PAFAH1B2: variants seen among roughly 807,000 people sequenced by gnomAD.
The protein encoded by PAFAH1B2 is platelet-activating factor acetylhydrolase IB subunit alpha2.
A neutral mutation model predicts 28.0 loss-of-function variants in PAFAH1B2; 8 were observed. The observed-to-expected ratio is 0.29, with a 90% CI of 0.17 to 0.52. The LOEUF is 0.52. Among genes scored for constraint, PAFAH1B2 ranks in the 20% least tolerant of loss-of-function variants. PAFAH1B2 has a pLI of 0.97. For missense variants in PAFAH1B2, 190 were observed against 282.6 expected (o/e 0.67, Z 2.35); for synonymous variants, 104 against 103.2 (o/e 1.01, Z -0.05).
At chr11:117,158,689 G>T (rs1425447697) in intron 2 of PAFAH1B2, among the ~76,000 whole-genome samples, 1 of 147,540 alleles carries the variant, frequency 6.8e-6, no homozygotes, top group African/African-American at 2.5e-5. Context: ...TTGTCGCCTA[G>T]GCTGGAGTGT....
At chr11:117,166,666 T>C (rs1956518291) in intron 5 of PAFAH1B2, among the ~76,000 whole-genome samples, 1 of 152,162 alleles carries the variant, frequency 6.6e-6, no homozygotes. Context: ...AAAACAGTTA[T>C]TCCAGGGTTA....
intron 1 of PAFAH1B2, among the ~76,000 whole-genome samples, chr11:117,148,056 CT>C (rs201878667): frequency 1.9e-3 from 251 of 129,446 alleles, no homozygotes; most frequent in Non-Finnish European, 2.3e-3. Context: ...TTTTTTTTTT[CT>C]TTTTTTTTTT....
downstream of PAFAH1B2, among the ~76,000 whole-genome samples, chr11:117,177,189 A>G (rs912838150): frequency 2.0e-5 from 3 of 152,208 alleles, no homozygotes; most frequent in Admixed American, 2.0e-4. Context: ...AACCTGGGCA[A>G]CAGAGCGAGA....
At position 117,146,401 on chromosome 11, in the gene PAFAH1B2, T is replaced by C. The variant is rs145966700; in HGVS notation, c.-8+1983T>C. On this transcript the variant is annotated intron_variant, in intron 1 of 5. Transcript: ENST00000527958. ...GGAAACCCAAAGTCACTCAGAAGTTTGCGTCTTACCACTGGGTAGCTCTTA... is the reference window on the plus strand; with the variant it reads ...GGAAACCCAAAGTCACTCAGAAGTTCGCGTCTTACCACTGGGTAGCTCTTA... 9.9e-5 allele frequency among the ~76,000 whole-genome samples: 15 copies of C among 152,224 alleles called. No individual in the cohort carries two copies. The East Asian group carries it at 2.9e-3, about 29-fold the overall frequency.
chr11:117,168,001 A>T lies in PAFAH1B2; in HGVS notation c.*302A>T. The T allele has an allele frequency of 1.9e-6, 2 of 1,080,010 alleles. No individual in the cohort carries two copies. Among genetic ancestry groups the T allele is most frequent in the Non-Finnish European group, 2.2e-6 (2 of 889,596 alleles). The allele number at this position is 1,080,010 out of a possible 1,614,324, so 66.9% of individuals were successfully genotyped here. Reference sequence around the variant, plus strand: ...ATTATCACTGTTTTCTTGGGACAACATCAAGCCTAAATACTGAACAATATG... The same window carrying T: ...ATTATCACTGTTTTCTTGGGACAACTTCAAGCCTAAATACTGAACAATATG... On this transcript the variant is annotated 3_prime_UTR_variant, in exon 6 of 6. Transcript: ENST00000527958.
intron 1 of PAFAH1B2, among the ~76,000 whole-genome samples, chr11:117,146,258 G>T (rs1186859179): frequency 1.3e-5 from 2 of 150,480 alleles, no homozygotes; most frequent in South Asian, 2.1e-4. Context: ...AGCTAATTTT[G>T]TATTTTTTTT....
downstream of PAFAH1B2, among the ~76,000 whole-genome samples, chr11:117,174,164 T>TTGTGTGTGTGTGTGTG (rs55735449): frequency 4.0e-3 from 562 of 138,902 alleles, 5 homozygotes; most frequent in Admixed American, 8.3e-3. Context: ...TTCATGTCTT[T>TTGTGTGTGTGTGTGTG]TGTGTGTGTG....
rs932524632 is a variant in PAFAH1B2, at chr11:117,169,626, T to C, written c.*1927T>C. Reference sequence around the variant, plus strand: ...TTTAAAAAATACATACTTTTTTGAATGTATCATGTCTTCATTAACAACAGA... The same window carrying C: ...TTTAAAAAATACATACTTTTTTGAACGTATCATGTCTTCATTAACAACAGA... On this transcript the variant is annotated 3_prime_UTR_variant, in exon 6 of 6. Coordinates refer to ENST00000527958, the MANE Select transcript of PAFAH1B2 (RefSeq NM_002572.4). The C allele has an allele frequency of 2.9e-6, 3 of 1,051,118 alleles. No homozygotes were observed. Among genetic ancestry groups the C allele is most frequent in the African/African-American group, 3.3e-5 (2 of 60,396 alleles). 65.1% of individuals were successfully genotyped at this position (1,051,118 alleles called of 1,614,324 possible). A position where few individuals can be genotyped will look rare whatever the true frequency, so the allele number is the denominator to read the frequency against.
intron 1 of PAFAH1B2, among the ~76,000 whole-genome samples, chr11:117,145,720 C>T (rs1004077301): frequency 1.1e-4 from 16 of 152,318 alleles, no homozygotes; most frequent in African/African-American, 2.9e-4. Flanking sequence ...TAACCATACC[C>T]ACTCCCTCTG....
In PAFAH1B2 at chr11:117,163,007, A is replaced by G. The variant is rs141505507; in HGVS notation, c.289-763A>G. Among the ~76,000 whole-genome samples, 265 of 152,260 alleles carry G rather than the reference A, an allele frequency of 1.7e-3. 2 individuals are homozygous for G. The highest frequency in any genetic ancestry group is 5.9e-3 in the African/African-American group (247 of 41,562). On this transcript the variant is annotated intron_variant, in intron 4 of 5. Transcript: ENST00000527958. ...GTGCCTGGCCAGGTTTTATTTTTAT[A>G]CAGTTTATTAATCTTTTTTGTATAA...
intron 4 of PAFAH1B2, among the ~76,000 whole-genome samples, chr11:117,162,733 G>A (rs112691918): frequency 0.014 from 2,154 of 152,046 alleles, 45 homozygotes; most frequent in African/African-American, 0.046. Context: ...CAGCCTGGGT[G>A]ACAGAGGAAG....
chr11:117,168,445 C>CCCTTTTTTTTTTTTT lies in PAFAH1B2; in HGVS notation c.*746_*747insCCTTTTTTTTTTTTT, dbSNP rs1565274998. 1 of 352,462 alleles carries CCCTTTTTTTTTTTTT rather than the reference C, an allele frequency of 2.8e-6. No homozygotes were observed. The highest frequency in any genetic ancestry group is 5.3e-5 in the African/African-American group (1 of 18,946). The allele number at this position is 352,462 out of a possible 1,614,324, so 21.8% of individuals were successfully genotyped here. A position where few individuals can be genotyped will look rare whatever the true frequency, so the allele number is the denominator to read the frequency against. On this transcript the variant is annotated 3_prime_UTR_variant, in exon 6 of 6. Coordinates refer to ENST00000527958, the MANE Select transcript of PAFAH1B2 (RefSeq NM_002572.4). Reference sequence around the variant, plus strand: ...TTCCCCTTCATTCCCCCCGCCACCCCGTTTTTTTTTTTTTTTTTTTTTTTT... The same window carrying CCCTTTTTTTTTTTTT: ...TTCCCCTTCATTCCCCCCGCCACCCCCCTTTTTTTTTTTTTGTTTTTTTTTTTTTTTTTTTTTTTT...
Position 117,168,457 on chromosome 11 carries a change from T to TTTTTTTTTTTTTTTG in PAFAH1B2, c.*759_*773dup. 1.1e-6 allele frequency: 1 copy of TTTTTTTTTTTTTTTG among 921,864 alleles called. No individual in the cohort carries two copies. The highest frequency in any genetic ancestry group is 1.3e-6 in the Non-Finnish European group (1 of 769,362). The allele number at this position is 921,864 out of a possible 1,614,324, so 57.1% of individuals were successfully genotyped here. On this transcript the variant is annotated 3_prime_UTR_variant, in exon 6 of 6. Coordinates refer to ENST00000527958, the MANE Select transcript of PAFAH1B2 (RefSeq NM_002572.4). ...CCCCCCGCCACCCCGTTTTTTTTTT[T>TTTTTTTTTTTTTTTG]TTTTTTTTTTTTTTGGTTCTTGTTG...
chr11:117,161,910 G>A (rs1003329707), intron 4 of PAFAH1B2, among the ~76,000 whole-genome samples: 19 of 151,998 alleles, frequency 1.3e-4, no homozygotes, highest in African/African-American at 4.6e-4. Context: ...ATGGGAGCAG[G>A]GCCATGATTA....
chr11:117,171,609 C>A, downstream of PAFAH1B2: 1 of 989,510 alleles, frequency 1.0e-6, no homozygotes, highest in Non-Finnish European at 1.5e-6. Flanking sequence ...ATTTATCACC[C>A]TTACGTCCCC....
chr11:117,166,661 AGTTATTCCAGG>A lies in PAFAH1B2; in HGVS notation c.412-746_412-736del, dbSNP rs1489681286. 1.1e-4 allele frequency among the ~76,000 whole-genome samples: 16 copies of A among 152,344 alleles called. No individual in the cohort carries two copies. In the South Asian group the frequency reaches 2.9e-3, roughly 28 times the overall value. On this transcript the variant is annotated intron_variant, in intron 5 of 5. Coordinates refer to ENST00000527958, the MANE Select transcript of PAFAH1B2 (RefSeq NM_002572.4). ...GGCTACAAGAAGACAAAATTAAAACAGTTATTCCAGGGTTATTCCAGGGTGAATAGCTCTGA... is the reference window on the plus strand; with the variant it reads ...GGCTACAAGAAGACAAAATTAAAACAGTTATTCCAGGGTGAATAGCTCTGA...
chr11:117,147,192 C>CGA (rs1001166432), intron 1 of PAFAH1B2, among the ~76,000 whole-genome samples: 6 of 152,120 alleles, frequency 3.9e-5, no homozygotes, highest in African/African-American at 1.4e-4. Flanking sequence ...TGCTTGAACC[C>CGA]GAGAGGCGGA....
chr11:117,163,637 C>T, intron 4 of PAFAH1B2, 133 bp from the exon 5 acceptor site: 3 of 853,236 alleles, frequency 3.5e-6, no homozygotes, highest in Non-Finnish European at 5.5e-6. Flanking sequence ...GGTGCCACTG[C>T]ACTCCAGTCT....
downstream of PAFAH1B2, chr11:117,174,869 C>T (rs1432202956): frequency 2.1e-6 from 3 of 1,457,878 alleles, no homozygotes; most frequent in Non-Finnish European, 2.8e-6. Context: ...ACCGCCTTGG[C>T]CTCCCAAAGT....
Sources: allele counts gnomAD v4.1 joint callset (sites outside exome capture counted in the v4.1 genomes callset), GRCh38; gene constraint gnomAD v4.1.1; transcripts MANE v1.5; gene names NCBI Gene and HGNC (gene_info 2026-07-23, HGNC 2026-07-21).